Variants in ACSF3 observed in about 807,000 individuals in gnomAD.
The protein encoded by ACSF3 is acyl-CoA synthetase family member 3.
A neutral mutation model predicts 53.2 loss-of-function variants in ACSF3; 78 were observed. The ratio of observed to expected loss-of-function variants is 1.47; its 90% confidence interval spans 1.22 to 1.77. The LOEUF is 1.77. Ranked by LOEUF, ACSF3 falls within the 40% of genes most tolerant of loss-of-function variation. ACSF3 has a pLI of 0.00. For missense variants in ACSF3, 937 were observed against 771.1 expected (o/e 1.22, Z -2.55); for synonymous variants, 414 against 333.1 (o/e 1.24, Z -2.65).
intron 7 of ACSF3, among the ~76,000 whole-genome samples, chr16:89,129,489 A>G (rs1017175926): frequency 8.6e-5 from 13 of 151,674 alleles, no homozygotes; most frequent in African/African-American, 2.7e-4. Context: ...TTTACTTCCA[A>G]CCTACCTGTG....
intron 4 of ACSF3, among the ~76,000 whole-genome samples, chr16:89,108,005 G>A (rs1490202755): frequency 6.6e-6 from 1 of 152,206 alleles, no homozygotes; most frequent in Non-Finnish European, 1.5e-5. Flanking sequence ...GAGGCAAAAG[G>A]CACTTCTTAC....
At chr16:89,135,532 G>T (rs892965248) in intron 8 of ACSF3, among the ~76,000 whole-genome samples, 2 of 152,260 alleles carry the variant, frequency 1.3e-5, no homozygotes, top group Non-Finnish European at 2.9e-5. Flanking sequence ...AGGACCCAGG[G>T]CTGGGGCCCT....
chr16:89,101,742 A>G (rs1975371578), intron 3 of ACSF3, among the ~76,000 whole-genome samples: 1 of 152,238 alleles, frequency 6.6e-6, no homozygotes, highest in Non-Finnish European at 1.5e-5. Flanking sequence ...CTGTGACCTC[A>G]GTCACATCTT....
intron 8 of ACSF3, among the ~76,000 whole-genome samples, chr16:89,142,706 C>G (rs1912068526): frequency 6.6e-6 from 1 of 151,614 alleles, no homozygotes; most frequent in African/African-American, 2.4e-5. Flanking sequence ...GATACAGGCA[C>G]ACCTGCAGAG....
intron 4 of ACSF3, among the ~76,000 whole-genome samples, chr16:89,106,931 C>A (rs191861621): frequency 1.3e-5 from 2 of 152,208 alleles, no homozygotes; most frequent in Admixed American, 6.5e-5. Flanking sequence ...GCAGCCACAG[C>A]CTCTGGAGAT....
At chr16:89,140,113 G>A (rs960171256) in intron 8 of ACSF3, among the ~76,000 whole-genome samples, 1 of 152,218 alleles carries the variant, frequency 6.6e-6, no homozygotes, top group Non-Finnish European at 1.5e-5. Context: ...ATGGCACTGG[G>A]GTCCAGGTGC....
At chr16:89,145,107 C>T (rs1274431889) in intron 8 of ACSF3, 160 bp from the exon 9 acceptor site, 19 of 1,574,828 alleles carry the variant, frequency 1.2e-5, no homozygotes, top group Middle Eastern at 2.1e-4. Context: ...CCTGGCATAG[C>T]TGTTTCTCCG....
At chr16:89,135,135 C>T (rs1910158731) in intron 8 of ACSF3, among the ~76,000 whole-genome samples, 1 of 149,306 alleles carries the variant, frequency 6.7e-6, no homozygotes, top group South Asian at 2.1e-4. Flanking sequence ...TTATAATAAC[C>T]TTTAAGTAAT....
intron 8 of ACSF3, chr16:89,141,114 G>A (rs531219957): frequency 3.1e-6 from 4 of 1,287,138 alleles, no homozygotes; most frequent in East Asian, 5.5e-5. Context: ...AGTCGCCCTC[G>A]CTGCCGCAGG....
intron 7 of ACSF3, among the ~76,000 whole-genome samples, chr16:89,126,927 C>G (rs1908238517): frequency 6.6e-6 from 1 of 152,152 alleles, no homozygotes; most frequent in Non-Finnish European, 1.5e-5. Flanking sequence ...TCCATTCTAT[C>G]TATAATGTGC....
At chr16:89,145,906 C>A in intron 9 of ACSF3, 32 bp from the exon 10 acceptor site, 2 of 1,578,776 alleles carry the variant, frequency 1.3e-6, no homozygotes, top group Non-Finnish European at 1.7e-6. Flanking sequence ...CTGAGGCATC[C>A]CCATGTTCTC....
chr16:89,139,457 C>T (rs924578962), intron 8 of ACSF3, among the ~76,000 whole-genome samples: 5 of 152,086 alleles, frequency 3.3e-5, no homozygotes, highest in African/African-American at 1.2e-4. Flanking sequence ...TGCCCTCAGC[C>T]TTGCTTGTCG....
chr16:89,130,969 G>A (rs567701283), intron 7 of ACSF3, among the ~76,000 whole-genome samples: 10 of 151,976 alleles, frequency 6.6e-5, no homozygotes, highest in Non-Finnish European at 1.3e-4. Flanking sequence ...TCATCGTCCT[G>A]CTCCTGAACC....
At chr16:89,132,910 A>G (rs1909632575) in intron 7 of ACSF3, among the ~76,000 whole-genome samples, 1 of 152,268 alleles carries the variant, frequency 6.6e-6, no homozygotes, top group Non-Finnish European at 1.5e-5. Context: ...GCTCCCGGCC[A>G]GGGCACCAGG....
chr16:89,129,402 CTTAAGT>C (rs1452513144), intron 7 of ACSF3, among the ~76,000 whole-genome samples: 1 of 151,906 alleles, frequency 6.6e-6, no homozygotes, highest in African/African-American at 2.4e-5. Flanking sequence ...GCTCTTTGCT[CTTAAGT>C]TTACTTTGAT....
At chr16:89,144,277 G>A (rs1012378131) in intron 8 of ACSF3, among the ~76,000 whole-genome samples, 3 of 152,262 alleles carry the variant, frequency 2.0e-5, no homozygotes, top group Non-Finnish European at 4.4e-5. Context: ...TCCCACAGGA[G>A]CTCCAGGAAC....
chr16:89,145,242 G>A lies in ACSF3; in HGVS notation c.1367-25G>A, dbSNP rs185741106. 81 of 1,614,144 alleles carry A rather than the reference G, an allele frequency of 5.0e-5. No homozygotes were observed. The Admixed American group carries it at 1.2e-3, about 25-fold the overall frequency. On this transcript the variant is annotated intron_variant, in intron 8 of 10. Transcript: ENST00000614302. ...ACACCGTGGTGTTTAAGGATGGCCAGTTAACCAGAGCCCCTTTTCCTCAGG... is the reference window on the plus strand; with the variant it reads ...ACACCGTGGTGTTTAAGGATGGCCAATTAACCAGAGCCCCTTTTCCTCAGG...
At chr16:89,143,231 G>GCTGTGGTGCAGCCTCAGCCCCGTGCA (rs1912222605) in intron 8 of ACSF3, among the ~76,000 whole-genome samples, 2 of 149,246 alleles carry the variant, frequency 1.3e-5, no homozygotes, top group South Asian at 4.2e-4. Flanking sequence ...AGCCCCGTGC[G>GCTGTGGTGCAGCCTCAGCCCCGTGCA]TAGCTGTGGT....
chr16:89,100,377 T>G (rs931745129), intron 2 of ACSF3, among the ~76,000 whole-genome samples: 1 of 152,252 alleles, frequency 6.6e-6, no homozygotes, highest in African/African-American at 2.4e-5. Context: ...TTTATATGCT[T>G]CTCCTTGGTT....
Sources: allele counts gnomAD v4.1 joint callset (sites outside exome capture counted in the v4.1 genomes callset), GRCh38; gene constraint gnomAD v4.1.1; transcripts MANE v1.5; gene names NCBI Gene and HGNC (gene_info 2026-07-23, HGNC 2026-07-21).